ANO2: variants seen among roughly 807,000 people sequenced by gnomAD.
ANO2 encodes the protein anoctamin 2.
ANO2 carries 101 observed loss-of-function variants against 124.2 expected under a neutral mutation model. The ratio of observed to expected loss-of-function variants is 0.81; its 90% confidence interval spans 0.69 to 0.96. The LOEUF is 0.96. Ranked by LOEUF, ANO2 falls within the 40% of genes least tolerant of loss-of-function variation. The probability of loss-of-function intolerance (pLI) is 0.00; values close to 1 mark genes in which losing one functional copy is unlikely to be tolerated. For missense variants in ANO2, 1,293 were observed against 1,274.5 expected (o/e 1.01, Z -0.22); for synonymous variants, 486 against 482.5 (o/e 1.01, Z -0.09).
At chr12:5,909,742 AGTG>A (rs1940930555) in intron 3 of ANO2, among the ~76,000 whole-genome samples, 1 of 152,154 alleles carries the variant, frequency 6.6e-6, no homozygotes, top group African/African-American at 2.4e-5. Flanking sequence ...CTCTCTGGGC[AGTG>A]CGTGCCCAGA....
intron 4 of ANO2, among the ~76,000 whole-genome samples, chr12:5,840,306 T>C (rs1954473826): frequency 6.6e-6 from 1 of 152,144 alleles, no homozygotes; most frequent in Non-Finnish European, 1.5e-5. Flanking sequence ...ACTGTTACAG[T>C]CTAAGGGGTT....
chr12:5,718,397 G>A (rs952894318), intron 14 of ANO2, among the ~76,000 whole-genome samples: 1 of 152,194 alleles, frequency 6.6e-6, no homozygotes, highest in Non-Finnish European at 1.5e-5. Flanking sequence ...CAGAACAGGG[G>A]TGAACAAGGG....
At position 5,592,424 on chromosome 12, in the gene ANO2, C is replaced by T. The variant is rs143010099; in HGVS notation, c.2233+7060G>A. Among the ~76,000 whole-genome samples the T allele has an allele frequency of 4.8e-4, 73 of 152,098 alleles. 1 individual carries two copies. The highest frequency in any genetic ancestry group is 1.2e-3 in the African/African-American group (50 of 41,518). On this transcript the variant is annotated intron_variant, in intron 20 of 24. Coordinates refer to ENST00000682330, the MANE Select transcript of ANO2 (RefSeq NM_001364791.2). The stretch of plus-strand genomic sequence containing the variant: ...GCCTGCAACACTCAGCAAGCAGTCA[C>T]GGGTAGGCGACATGGCATAGGCAAA...
At chr12:5,940,556 C>T (rs551994909) in intron 1 of ANO2, among the ~76,000 whole-genome samples, 54 of 152,206 alleles carry the variant, frequency 3.5e-4, no homozygotes, top group Admixed American at 2.1e-3. Flanking sequence ...TAGGTTCAGG[C>T]AAAACCACAG....
rs370990069 is a variant in ANO2, at chr12:5,812,107, C to G, written c.893-4739G>C. Among the ~76,000 whole-genome samples, 10 of 107,808 alleles carry G rather than the reference C, an allele frequency of 9.3e-5. No homozygotes were observed. In the East Asian group the frequency reaches 1.5e-3, roughly 17 times the overall value. The allele number at this position is 107,808 out of a possible 152,430, so 70.7% of individuals were successfully genotyped here. On this transcript the variant is annotated intron_variant, in intron 7 of 24. Transcript: ENST00000682330. ...GGAAGGGATGGGAGGGGAGGGGAGG[C>G]GAGGCCAGGGAAGGGCAGGGAAAAT...
At chr12:5,659,779 G>A (rs767719902) in intron 14 of ANO2, among the ~76,000 whole-genome samples, 2 of 151,636 alleles carry the variant, frequency 1.3e-5, no homozygotes, top group East Asian at 1.9e-4. Context: ...TCGCTGCCTC[G>A]TCCTCCCTGG....
chr12:5,762,263 G>C (rs999708221), intron 10 of ANO2, among the ~76,000 whole-genome samples: 1 of 151,812 alleles, frequency 6.6e-6, no homozygotes, highest in Non-Finnish European at 1.5e-5. Flanking sequence ...CCTACTTTTG[G>C]CTTCTTATTA....
intron 11 of ANO2, among the ~76,000 whole-genome samples, chr12:5,748,879 A>C (rs1951353755): frequency 6.6e-6 from 1 of 151,592 alleles, no homozygotes; most frequent in African/African-American, 2.4e-5. Flanking sequence ...CCAAAAAAAA[A>C]AAAAAAAAAC....
At chr12:5,937,000 G>A (rs11063935) in intron 1 of ANO2, among the ~76,000 whole-genome samples, 14,659 of 152,202 alleles carry the variant, frequency 0.096, 1,121 homozygotes, top group African/African-American at 0.2. Context: ...CTTGACCACT[G>A]TGAATAATGT....
intron 14 of ANO2, among the ~76,000 whole-genome samples, chr12:5,664,541 A>G (rs956251066): frequency 6.6e-6 from 1 of 152,236 alleles, no homozygotes; most frequent in Non-Finnish European, 1.5e-5. Flanking sequence ...TCTTATACAT[A>G]AGAAAATTAA....
At chr12:5,695,530 C>T (rs1193914838) in intron 14 of ANO2, among the ~76,000 whole-genome samples, 2 of 152,174 alleles carry the variant, frequency 1.3e-5, no homozygotes, top group Non-Finnish European at 2.9e-5. Context: ...AATAGAAATG[C>T]AAAACACACT....
chr12:5,872,557 C>A (rs938545383), intron 3 of ANO2, among the ~76,000 whole-genome samples: 3 of 152,194 alleles, frequency 2.0e-5, no homozygotes, highest in African/African-American at 7.2e-5. Flanking sequence ...TCAAATCATG[C>A]TACCTACATG....
chr12:5,753,755 A>G (rs1014367155), intron 10 of ANO2, among the ~76,000 whole-genome samples: 10 of 152,156 alleles, frequency 6.6e-5, no homozygotes, highest in African/African-American at 2.4e-4. Context: ...TCCTGCAACT[A>G]TACTGAATTT....
At chr12:5,801,560 G>A (rs1459391353) in intron 9 of ANO2, among the ~76,000 whole-genome samples, 1 of 152,178 alleles carries the variant, frequency 6.6e-6, no homozygotes, top group Non-Finnish European at 1.5e-5. Context: ...TTAAAGACAT[G>A]ATATTAAAAT....
intron 10 of ANO2, among the ~76,000 whole-genome samples, chr12:5,767,417 CA>C (rs1261253913): frequency 1.3e-5 from 2 of 152,168 alleles, no homozygotes; most frequent in Non-Finnish European, 2.9e-5. Context: ...TGCAAAATCA[CA>C]AATGTTCCTG....
intron 3 of ANO2, among the ~76,000 whole-genome samples, chr12:5,888,840 G>A (rs990978403): frequency 6.6e-6 from 1 of 152,228 alleles, no homozygotes; most frequent in African/African-American, 2.4e-5. Context: ...CCACCCAGTG[G>A]ATCCCACACT....
intron 10 of ANO2, among the ~76,000 whole-genome samples, chr12:5,767,467 A>G (rs1294302901): frequency 1.3e-5 from 2 of 152,210 alleles, no homozygotes; most frequent in Non-Finnish European, 2.9e-5. Context: ...TAAATGGACT[A>G]TGGTGAATAA....
intron 3 of ANO2, among the ~76,000 whole-genome samples, chr12:5,914,185 G>A (rs1317505666): frequency 6.9e-6 from 1 of 145,422 alleles, no homozygotes; most frequent in Non-Finnish European, 1.5e-5. Flanking sequence ...AGGTGACAGA[G>A]TGAGACTCCA....
chr12:5,809,357 T>C (rs1301782908), intron 7 of ANO2, among the ~76,000 whole-genome samples: 1 of 151,986 alleles, frequency 6.6e-6, no homozygotes, highest in African/African-American at 2.4e-5. Flanking sequence ...TAGGCATGGA[T>C]AGAGGTTGAA....
Sources: gnomAD v4.1 joint callset for allele counts (sites outside exome capture counted in the v4.1 genomes callset) on GRCh38, gnomAD v4.1.1 for gene constraint, MANE v1.5 for transcripts, NCBI Gene and HGNC (gene_info 2026-07-23, HGNC 2026-07-21) for gene names.